Variants in CMSS1 observed in about 807,000 individuals in gnomAD.
CMSS1 encodes the protein protein CMSS1.
Under a neutral mutation model 43.5 loss-of-function variants are expected in CMSS1, and 33 were observed. The observed-to-expected ratio is 0.76, with a 90% CI of 0.57 to 1.01. The LOEUF (loss-of-function observed/expected upper bound fraction) is 1.01, where lower values mean the gene tolerates loss of function less well. CMSS1 is among the 50% of genes least tolerant of loss of function. CMSS1 has a pLI of 0.00. For missense variants in CMSS1, 313 were observed against 326.4 expected, an observed-to-expected ratio of 0.96 and a Z score of 0.32; for synonymous variants, 115 against 117.2, an observed-to-expected ratio of 0.98 and a Z score of 0.12.
At chr3:99,829,713 T>C (rs903290945) in intron 1 of CMSS1, among the ~76,000 whole-genome samples, 4 of 152,210 alleles carry the variant, frequency 2.6e-5, no homozygotes, top group African/African-American at 7.2e-5. Context: ...ATAAATTCTG[T>C]ATTTTTTCAA....
intron 1 of CMSS1, among the ~76,000 whole-genome samples, chr3:99,899,253 A>G (rs1162082522): frequency 6.6e-6 from 1 of 152,224 alleles, no homozygotes; most frequent in Non-Finnish European, 1.5e-5. Flanking sequence ...TATTTTGAAC[A>G]GGACACTTGG....
Position 99,817,892 on chromosome 3 carries a change from C to A in CMSS1, c.-88C>A. On this transcript the variant is annotated 5_prime_UTR_variant, in exon 1 of 10. Transcript: ENST00000421999. ...CTAGCGGGAGCTCCGCGTGTAGCTA[C>A]GCCGGCCGCCTGGCTTTGAGACAAC... 1 of 1,413,218 alleles carries A rather than the reference C, an allele frequency of 7.1e-7. No individual in the cohort carries two copies. The allele number at this position is 1,413,218 out of a possible 1,614,324, so 87.5% of individuals were successfully genotyped here. A position where few individuals can be genotyped will look rare whatever the true frequency, so the allele number is the denominator to read the frequency against.
chr3:100,167,596 T>G (rs1373855337), intron 5 of CMSS1, 142 bp from the exon 6 acceptor site: 1 of 446,170 alleles, frequency 2.2e-6, no homozygotes, highest in African/African-American at 2.0e-5. Context: ...ACCAGAAAAT[T>G]GAATTACAAT....
At chr3:100,070,490 T>C (rs1257145050) in intron 1 of CMSS1, among the ~76,000 whole-genome samples, 1 of 152,258 alleles carries the variant, frequency 6.6e-6, no homozygotes, top group African/African-American at 2.4e-5. Context: ...TCAACTTAAA[T>C]ACATTTTAAG....
At chr3:100,081,592 C>T (rs1049494820) in intron 1 of CMSS1, among the ~76,000 whole-genome samples, 1 of 152,112 alleles carries the variant, frequency 6.6e-6, no homozygotes, top group Non-Finnish European at 1.5e-5. Flanking sequence ...CCTCTGCACC[C>T]TAATTGTTGC....
At chr3:99,967,652 G>T (rs1164399490) in intron 1 of CMSS1, among the ~76,000 whole-genome samples, 1 of 152,158 alleles carries the variant, frequency 6.6e-6, no homozygotes, top group Non-Finnish European at 1.5e-5. Flanking sequence ...GACATTTTTT[G>T]ATAACGTTCT....
At chr3:99,836,888 G>C (rs1338587149) in intron 1 of CMSS1, among the ~76,000 whole-genome samples, 5 of 152,174 alleles carry the variant, frequency 3.3e-5, no homozygotes, top group Non-Finnish European at 5.9e-5. Context: ...TCGCAGAAAG[G>C]TTTGCCACTT....
At position 99,833,205 on chromosome 3, in the gene CMSS1, A is replaced by G. The variant is rs201337902; in HGVS notation, c.64+15162A>G. ...GTTCAACATGAAGACTGGGATTTGG[A>G]ATGCCTTAAAAGTCTGAAGGATGTT... On this transcript the variant is annotated intron_variant, in intron 1 of 9. Transcript: ENST00000421999. 3.3e-4 allele frequency: 533 copies of G among 1,601,074 alleles called. 2 individuals carry two copies. The highest frequency in any genetic ancestry group is 2.4e-4 in the Admixed American group (14 of 59,372).
In CMSS1 at chr3:99,955,392, G is replaced by T. The variant is rs545087586; in HGVS notation, c.64+137349G>T. 2.1e-4 allele frequency among the ~76,000 whole-genome samples: 32 copies of T among 152,270 alleles called. No homozygotes were observed. In the South Asian group the frequency reaches 5.8e-3, roughly 28 times the overall value. The stretch of plus-strand genomic sequence containing the variant: ...ACATTTTTAAAAGATGAAAACAAAG[G>T]CTAGATAATTGATTTTTTTAGCGAA... On this transcript the variant is annotated intron_variant, in intron 1 of 9. Coordinates refer to ENST00000421999, the MANE Select transcript of CMSS1 (RefSeq NM_032359.4).
chr3:100,131,325 C>T (rs1217891478), intron 1 of CMSS1, among the ~76,000 whole-genome samples: 6 of 152,158 alleles, frequency 3.9e-5, no homozygotes, highest in Non-Finnish European at 7.3e-5. Context: ...GGCATGATGG[C>T]GGTGGAAGAT....
intron 1 of CMSS1, among the ~76,000 whole-genome samples, chr3:100,038,441 T>C (rs2107282225): frequency 6.6e-6 from 1 of 152,342 alleles, no homozygotes; most frequent in Middle Eastern, 3.4e-3. Flanking sequence ...TTTTTTTGCT[T>C]ATAGAGAATT....
chr3:99,969,214 G>T (rs962397388), intron 1 of CMSS1, among the ~76,000 whole-genome samples: 1 of 152,150 alleles, frequency 6.6e-6, no homozygotes, highest in South Asian at 2.1e-4. Flanking sequence ...CTAAGAAGGG[G>T]AGGGGAACAA....
At chr3:99,847,823 G>T in intron 1 of CMSS1, 2 of 441,726 alleles carry the variant, frequency 4.5e-6, no homozygotes, top group Non-Finnish European at 6.0e-6. Flanking sequence ...GGTCCTGTTT[G>T]TTTTTAAGGA....
chr3:100,107,960 G>C (rs1374448273), intron 1 of CMSS1, among the ~76,000 whole-genome samples: 1 of 151,112 alleles, frequency 6.6e-6, no homozygotes, highest in Non-Finnish European at 1.5e-5. Context: ...TTCTAACATC[G>C]GTCAAGAAAA....
At chr3:99,957,697 T>C (rs200907059) in intron 1 of CMSS1, among the ~76,000 whole-genome samples, 4 of 109,880 alleles carry the variant, frequency 3.6e-5, no homozygotes, top group African/African-American at 1.5e-4. Flanking sequence ...TTCTTTCTTT[T>C]TTTTTTTTTT....
rs139888745 is a variant in CMSS1, at chr3:100,154,679, A to T, written c.154-5751A>T. Among the ~76,000 whole-genome samples the T allele has an allele frequency of 3.0e-3, 452 of 152,266 alleles. 1 individual carries two copies. Among genetic ancestry groups the T allele is most frequent in the African/African-American group, 9.7e-3 (402 of 41,558 alleles). ...ACCTAATAATCATACATATATTTTTAAAAAATATCAGCTGGGCGTGGTGGC... is the reference window on the plus strand; with the variant it reads ...ACCTAATAATCATACATATATTTTTTAAAAATATCAGCTGGGCGTGGTGGC... On this transcript the variant is annotated intron_variant, in intron 2 of 9. Coordinates refer to ENST00000421999, the MANE Select transcript of CMSS1 (RefSeq NM_032359.4).
In CMSS1 at chr3:100,165,433, T is replaced by A. The variant is rs191748700; in HGVS notation, c.356-902T>A. On this transcript the variant is annotated intron_variant, in intron 4 of 9. Transcript: ENST00000421999. ...TTCATATGATAGGAATTTTTAAAAA[T>A]ATATATATATTCTTATAAAATATGT... 5.5e-3 allele frequency among the ~76,000 whole-genome samples: 834 copies of A among 152,136 alleles called. 6 individuals are homozygous for A. The highest frequency in any genetic ancestry group is 0.017 in the African/African-American group (715 of 41,536).
chr3:99,863,055 G>C (rs1403295323), intron 1 of CMSS1, among the ~76,000 whole-genome samples: 2 of 152,104 alleles, frequency 1.3e-5, no homozygotes, highest in Non-Finnish European at 2.9e-5. Context: ...CTTAGGCAGC[G>C]GTCCCCAACC....
chr3:100,082,822 G>T (rs975267564), intron 1 of CMSS1, among the ~76,000 whole-genome samples: 1 of 152,086 alleles, frequency 6.6e-6, no homozygotes. Context: ...ACTTACCTTC[G>T]TTGACTTAAG....
Sources: allele counts gnomAD v4.1 joint callset (sites outside exome capture counted in the v4.1 genomes callset), GRCh38; gene constraint gnomAD v4.1.1; transcripts MANE v1.5; gene names NCBI Gene and HGNC (gene_info 2026-07-23, HGNC 2026-07-21).